Variants in FGGY observed in about 807,000 individuals in gnomAD.
FGGY encodes FGGY carbohydrate kinase domain-containing protein.
A neutral mutation model predicts 71.3 loss-of-function variants in FGGY; 72 were observed. That is an observed-to-expected ratio of 1.01 (90% CI 0.84 to 1.23). The LOEUF (loss-of-function observed/expected upper bound fraction) is 1.23, where lower values mean the gene tolerates loss of function less well. Ranked by LOEUF, FGGY falls within the 50% of genes most tolerant of loss-of-function variation. FGGY has a pLI of 0.00. For missense variants in FGGY, 668 were observed against 682.3 expected, an observed-to-expected ratio of 0.98 and a Z score of 0.23; for synonymous variants, 251 against 250.3, an observed-to-expected ratio of 1.00 and a Z score of -0.02.
chr1:59,499,373 G>A lies in FGGY; in HGVS notation c.671-12938G>A, dbSNP rs1057375633. Among the ~76,000 whole-genome samples, 4 of 146,322 alleles carry A rather than the reference G, an allele frequency of 2.7e-5. No homozygotes were observed. The Admixed American group carries it at 2.8e-4, about 10-fold the overall frequency. On this transcript the variant is annotated intron_variant, in intron 6 of 15. Transcript: ENST00000303721. ...GACAGGGAGGTAGTGCCTACAGCAT[G>A]GATTTGCTGGACAAAGGGATGATTC...
intron 2 of FGGY, among the ~76,000 whole-genome samples, chr1:59,330,325 C>A (rs1453728810): frequency 6.6e-6 from 1 of 152,084 alleles, no homozygotes; most frequent in Non-Finnish European, 1.5e-5. Context: ...ATTGAGAGCA[C>A]TTTGGGAGGC....
Position 59,424,114 on chromosome 1 carries a change from G to T in FGGY, c.555-32847G>T, listed in dbSNP as rs141228182. On this transcript the variant is annotated intron_variant, in intron 5 of 15. Coordinates refer to ENST00000303721, the MANE Select transcript of FGGY (RefSeq NM_018291.5). The stretch of plus-strand genomic sequence containing the variant: ...ACCATGATAGGCCGAGATCTGAAAA[G>T]AAGCTAATAATCAATGCATGAAGAT... Among the ~76,000 whole-genome samples, 29 of 152,352 alleles carry T rather than the reference G, an allele frequency of 1.9e-4. No individual in the cohort carries two copies. In the East Asian group the frequency reaches 5.6e-3, roughly 29 times the overall value.
chr1:59,321,624 T>C lies in FGGY; in HGVS notation c.75T>C (p.Ala25=). ...VDVGTGSVRA[A]LVDQSGVLLA... The stretch of plus-strand genomic sequence containing the variant: ...TTGGAACAGGCAGTGTCCGTGCAGC[T>C]CTGGTGGACCAGAGTGGGGTCCTGT... Residue 25 remains alanine (A), a synonymous_variant, in exon 2 of 16, where the codon GCT becomes GCC. Coordinates refer to ENST00000303721, the MANE Select transcript of FGGY (RefSeq NM_018291.5). 6.2e-7 allele frequency: 1 copy of C among 1,613,900 alleles called. No individual in the cohort carries two copies. Among genetic ancestry groups the C allele is most frequent in the Non-Finnish European group, 8.5e-7 (1 of 1,179,854 alleles).
intron 7 of FGGY, among the ~76,000 whole-genome samples, chr1:59,529,252 CAGTA>C (rs2095074294): frequency 6.6e-6 from 1 of 152,208 alleles, no homozygotes; most frequent in Non-Finnish European, 1.5e-5. Context: ...TCAGTTGAAA[CAGTA>C]AGGCAAAGAA....
intron 7 of FGGY, among the ~76,000 whole-genome samples, chr1:59,522,235 C>T (rs776428860): frequency 2.0e-5 from 3 of 152,230 alleles, no homozygotes; most frequent in Non-Finnish European, 4.4e-5. Context: ...CCACCGATTG[C>T]AGAGCCTATG....
Position 59,431,416 on chromosome 1 carries a change from T to G in FGGY, c.555-25545T>G, listed in dbSNP as rs141007322. ...TCTCTTTCAACTCTGTATTTTCGCA[T>G]ATGTGACTTTCTTCTGCTAGTAATG... is the stretch of plus-strand genomic sequence containing the variant. On this transcript the variant is annotated intron_variant, in intron 5 of 15. Coordinates refer to ENST00000303721, the MANE Select transcript of FGGY (RefSeq NM_018291.5). 1.2e-4 allele frequency among the ~76,000 whole-genome samples: 18 copies of G among 152,332 alleles called. No homozygotes were observed. In the East Asian group the frequency reaches 3.1e-3, roughly 26 times the overall value.
intron 14 of FGGY, among the ~76,000 whole-genome samples, chr1:59,697,376 A>C (rs1453466689): frequency 6.6e-6 from 1 of 152,086 alleles, no homozygotes. Flanking sequence ...ACCCCTAGCA[A>C]CCACCATTCT....
At chr1:59,465,580 G>C (rs957982598) in intron 6 of FGGY, among the ~76,000 whole-genome samples, 1 of 152,194 alleles carries the variant, frequency 6.6e-6, no homozygotes, top group African/African-American at 2.4e-5. Context: ...CCTGTTTGCA[G>C]ATGACATGAT....
At chr1:59,638,421 G>A (rs765769271) in intron 11 of FGGY, 46 bp downstream of exon 11, 7 of 1,594,868 alleles carry the variant, frequency 4.4e-6, no homozygotes, top group Admixed American at 3.6e-5. Context: ...CAGGCCAAAG[G>A]GCTACAAAGT....
chr1:59,623,688 CT>C (rs2096831495), intron 9 of FGGY, among the ~76,000 whole-genome samples: 1 of 152,192 alleles, frequency 6.6e-6, no homozygotes. Flanking sequence ...TTTATGGCCT[CT>C]CAGCTGAAGC....
At position 59,480,523 on chromosome 1, in the gene FGGY, C is replaced by A. The variant is rs2093430718; in HGVS notation, c.670+23447C>A. 2.6e-5 allele frequency among the ~76,000 whole-genome samples: 4 copies of A among 152,290 alleles called. No individual in the cohort carries two copies. The South Asian group carries it at 6.2e-4, about 24-fold the overall frequency. Reference sequence around the variant, plus strand: ...GCCAGAACCGTATTACATACTACTACCTGCAAGGGAAGCTGGGGAAAGGTC... The same window carrying A: ...GCCAGAACCGTATTACATACTACTAACTGCAAGGGAAGCTGGGGAAAGGTC... On this transcript the variant is annotated intron_variant, in intron 6 of 15. Coordinates refer to ENST00000303721, the MANE Select transcript of FGGY (RefSeq NM_018291.5).
chr1:59,387,738 A>G (rs2060241931), intron 5 of FGGY, among the ~76,000 whole-genome samples: 1 of 152,100 alleles, frequency 6.6e-6, no homozygotes, highest in Admixed American at 6.6e-5. Context: ...CACCTTACCT[A>G]CCTCTGACAC....
Position 59,397,112 on chromosome 1 carries a change from G to A in FGGY, c.554+18275G>A, listed in dbSNP as rs181290222. On this transcript the variant is annotated intron_variant, in intron 5 of 15. Transcript: ENST00000303721. The stretch of plus-strand genomic sequence containing the variant: ...AGGATTTAGACTTAAGTTTTTTTCT[G>A]TTAAAGAGGCCATTGCTGAAAGTCA... 1.4e-3 allele frequency among the ~76,000 whole-genome samples: 214 copies of A among 150,664 alleles called. 1 individual carries two copies. Among genetic ancestry groups the A allele is most frequent in the South Asian group, 9.0e-3 (43 of 4,758 alleles).
chr1:59,576,431 A>T (rs917040637), intron 8 of FGGY, among the ~76,000 whole-genome samples: 4 of 152,142 alleles, frequency 2.6e-5, no homozygotes, highest in African/African-American at 9.7e-5. Context: ...GGAGAGCATT[A>T]GGACAAATGC....
At chr1:59,412,590 T>G (rs183709355) in intron 5 of FGGY, among the ~76,000 whole-genome samples, 173 of 152,316 alleles carry the variant, frequency 1.1e-3, no homozygotes, top group African/African-American at 4.1e-3. Context: ...TTTAAACTCC[T>G]TCTCTATAAT....
chr1:59,323,446 G>T (rs2046768878), intron 2 of FGGY, among the ~76,000 whole-genome samples: 1 of 152,250 alleles, frequency 6.6e-6, no homozygotes, highest in Non-Finnish European at 1.5e-5. Context: ...CTCAGATGGA[G>T]TATGGATATG....
At chr1:59,612,914 T>A (rs2096705602) in intron 9 of FGGY, among the ~76,000 whole-genome samples, 1 of 152,076 alleles carries the variant, frequency 6.6e-6, no homozygotes, top group East Asian at 1.9e-4. Context: ...CATTACATAA[T>A]GGTAAAGGGA....
At chr1:59,375,679 C>T (rs1333727457) in intron 4 of FGGY, among the ~76,000 whole-genome samples, 5 of 152,020 alleles carry the variant, frequency 3.3e-5, no homozygotes, top group African/African-American at 4.8e-5. Context: ...TGATTGGTGA[C>T]GGTTAGTGTG....
chr1:59,454,489 T>C (rs2091490719), intron 5 of FGGY, among the ~76,000 whole-genome samples: 1 of 152,234 alleles, frequency 6.6e-6, no homozygotes, highest in South Asian at 2.1e-4. Context: ...TCCTTCAGTA[T>C]ATTTATGCCA....
Sources: gnomAD v4.1 joint callset for allele counts (sites outside exome capture counted in the v4.1 genomes callset) on GRCh38, gnomAD v4.1.1 for gene constraint, MANE v1.5 for transcripts, NCBI Gene and HGNC (gene_info 2026-07-23, HGNC 2026-07-21) for gene names.